Variants in CTNND2 observed in about 807,000 individuals in gnomAD.
The protein encoded by CTNND2 is catenin delta 2.
Under a neutral mutation model 144.4 loss-of-function variants are expected in CTNND2, and 22 were observed. The observed-to-expected ratio is 0.15, with a 90% CI of 0.11 to 0.22. The LOEUF (loss-of-function observed/expected upper bound fraction) is 0.22, where lower values mean the gene tolerates loss of function less well. Among genes scored for constraint, CTNND2 ranks in the 10% least tolerant of loss-of-function variants. The pLI is 1.00. For missense variants in CTNND2, 1,353 were observed against 1,618.8 expected (o/e 0.84, Z 2.82); for synonymous variants, 751 against 695.6 (o/e 1.08, Z -1.25).
intron 9 of CTNND2, among the ~76,000 whole-genome samples, chr5:11,310,586 C>T (rs1237466117): frequency 2.6e-5 from 4 of 151,816 alleles, no homozygotes; most frequent in African/African-American, 9.7e-5. Context: ...TTGTCCTTTA[C>T]CTTCAAAAAC....
intron 16 of CTNND2, among the ~76,000 whole-genome samples, chr5:11,072,685 T>TTTC (rs1748462523): frequency 1.3e-5 from 2 of 152,330 alleles, no homozygotes; most frequent in South Asian, 4.1e-4. Context: ...CACGAGCTTT[T>TTTC]TTCTTCTTCA....
chr5:11,545,571 G>A (rs1468139132), intron 3 of CTNND2, among the ~76,000 whole-genome samples: 2 of 145,734 alleles, frequency 1.4e-5, no homozygotes, highest in African/African-American at 2.5e-5. Context: ...CTGAAGGCAG[G>A]AGAATTGCTT....
chr5:11,165,307 T>C (rs1005073882), intron 11 of CTNND2, among the ~76,000 whole-genome samples: 2 of 152,230 alleles, frequency 1.3e-5, no homozygotes, highest in Non-Finnish European at 2.9e-5. Flanking sequence ...TTGGGTAATT[T>C]TCTTATATTA....
Position 11,385,188 on chromosome 5 carries a change from G to A in CTNND2, c.654C>T (p.Pro218=). The A allele has an allele frequency of 9.5e-7, 1 of 1,047,460 alleles. No homozygotes were observed. The highest frequency in any genetic ancestry group is 1.1e-6 in the Non-Finnish European group (1 of 871,246). The allele number at this position is 1,047,460 out of a possible 1,614,324, so 64.9% of individuals were successfully genotyped here. A position where few individuals can be genotyped will look rare whatever the true frequency, so the allele number is the denominator to read the frequency against. ...SRAGHLAGPE[P]APPPPPPPRE... ...GCGGCGGCGGCGGCGGCGGCGGCGC[G>A]GGCTCGGGCCCCGCCAGGTGGCCGG... Residue 218 remains proline (P), a synonymous_variant, in exon 7 of 22, where the codon CCC becomes CCT. Coordinates refer to ENST00000304623, the MANE Select transcript of CTNND2 (RefSeq NM_001332.4).
chr5:11,616,739 TG>T (rs1369488591), intron 2 of CTNND2, among the ~76,000 whole-genome samples: 1 of 152,086 alleles, frequency 6.6e-6, no homozygotes, highest in Admixed American at 6.5e-5. Context: ...CCTGAGTAGC[TG>T]GGATTACAGG....
chr5:11,204,994 T>C (rs1259808512), intron 10 of CTNND2, among the ~76,000 whole-genome samples: 1 of 152,110 alleles, frequency 6.6e-6, no homozygotes, highest in Admixed American at 6.6e-5. Context: ...CAACCTATTA[T>C]TTGGTGATAC....
intron 2 of CTNND2, among the ~76,000 whole-genome samples, chr5:11,668,134 T>G (rs1427845284): frequency 6.6e-6 from 1 of 152,218 alleles, no homozygotes; most frequent in Non-Finnish European, 1.5e-5. Flanking sequence ...ATATCTGTTT[T>G]GGTACCAGTA....
intron 8 of CTNND2, among the ~76,000 whole-genome samples, chr5:11,363,437 A>G (rs148671133): frequency 6.6e-6 from 1 of 152,330 alleles, no homozygotes; most frequent in East Asian, 1.9e-4. Flanking sequence ...AAATTACCTT[A>G]CTTAAAAACA....
intron 2 of CTNND2, among the ~76,000 whole-genome samples, chr5:11,590,150 A>G (rs1323227735): frequency 2.0e-5 from 3 of 150,802 alleles, no homozygotes; most frequent in African/African-American, 7.3e-5. Flanking sequence ...GGTTCACACC[A>G]TTCTCCTGCC....
intron 2 of CTNND2, among the ~76,000 whole-genome samples, chr5:11,701,299 T>A (rs901857418): frequency 6.6e-6 from 1 of 152,144 alleles, no homozygotes; most frequent in African/African-American, 2.4e-5. Context: ...TGCAGAGAAT[T>A]CCATCGGATG....
At chr5:11,596,940 T>C (rs544196854) in intron 2 of CTNND2, among the ~76,000 whole-genome samples, 4 of 152,318 alleles carry the variant, frequency 2.6e-5, no homozygotes, top group South Asian at 2.1e-4. Context: ...TTTGTTCCAT[T>C]TCTTCTTGAC....
chr5:11,111,110 C>T, intron 13 of CTNND2, 67 bp from the exon 14 acceptor site: 1 of 1,488,184 alleles, frequency 6.7e-7, no homozygotes, highest in Non-Finnish European at 9.2e-7. Context: ...ATTCTTCCAC[C>T]TGGAAAGGCC....
intron 1 of CTNND2, among the ~76,000 whole-genome samples, chr5:11,792,952 T>A (rs1318536730): frequency 6.6e-6 from 1 of 152,208 alleles, no homozygotes; most frequent in African/African-American, 2.4e-5. Context: ...ACGTCCACAT[T>A]TACAGAACTC....
intron 9 of CTNND2, among the ~76,000 whole-genome samples, chr5:11,326,871 AGCTGGGATTCT>A (rs1752588995): frequency 6.6e-6 from 1 of 152,224 alleles, no homozygotes; most frequent in Non-Finnish European, 1.5e-5. Context: ...GTGGGGGCAC[AGCTGGGATTCT>A]GCATTTCGAA....
chr5:11,861,633 A>G (rs1347378057), intron 1 of CTNND2, among the ~76,000 whole-genome samples: 1 of 152,208 alleles, frequency 6.6e-6, no homozygotes, highest in Non-Finnish European at 1.5e-5. Flanking sequence ...ACAATTGAGC[A>G]GAGCAGTCAG....
intron 3 of CTNND2, among the ~76,000 whole-genome samples, chr5:11,426,981 G>A (rs1762835767): frequency 6.6e-6 from 1 of 152,170 alleles, no homozygotes; most frequent in East Asian, 1.9e-4. Context: ...TCCTGCTGCA[G>A]TAAGAACAAA....
intron 12 of CTNND2, among the ~76,000 whole-genome samples, chr5:11,140,703 A>C (rs1393951061): frequency 6.6e-6 from 1 of 152,232 alleles, no homozygotes; most frequent in African/African-American, 2.4e-5. Flanking sequence ...AATGGAAAGA[A>C]GGATCTGGGA....
intron 8 of CTNND2, among the ~76,000 whole-genome samples, chr5:11,354,965 A>G (rs2149754705): frequency 6.6e-6 from 1 of 152,312 alleles, no homozygotes; most frequent in South Asian, 2.1e-4. Flanking sequence ...TTACAAATAC[A>G]TGGAAATTAA....
At chr5:11,668,228 G>T (rs1783681264) in intron 2 of CTNND2, among the ~76,000 whole-genome samples, 1 of 152,204 alleles carries the variant, frequency 6.6e-6, no homozygotes, top group Non-Finnish European at 1.5e-5. Flanking sequence ...TTTTGCTTAG[G>T]ATTGTCTTGG....
Sources: allele counts gnomAD v4.1 joint callset (sites outside exome capture counted in the v4.1 genomes callset), GRCh38; gene constraint gnomAD v4.1.1; transcripts MANE v1.5; gene names NCBI Gene and HGNC (gene_info 2026-07-23, HGNC 2026-07-21).